Variants in KIFC1 observed in about 807,000 individuals in gnomAD.
The protein encoded by KIFC1 is kinesin-like protein KIFC1.
KIFC1 carries 37 observed loss-of-function variants against 66.6 expected under a neutral mutation model. The ratio of observed to expected loss-of-function variants is 0.56; its 90% CI spans 0.43 to 0.73. The LOEUF (loss-of-function observed/expected upper bound fraction) is 0.73, where lower values mean the gene tolerates loss of function less well. Ranked by LOEUF, KIFC1 falls within the 30% of genes least tolerant of loss-of-function variation. The pLI is 0.00. For missense variants in KIFC1, 721 were observed against 859.8 expected (o/e 0.84, Z 2.02); for synonymous variants, 325 against 343.5 (o/e 0.95, Z 0.60).
In KIFC1 at chr6:33,406,423, A is replaced by G; in HGVS notation, c.1764A>G (p.Glu588=). 6.2e-7 allele frequency: 1 copy of G among 1,606,190 alleles called. No individual in the cohort carries two copies. Among genetic ancestry groups the G allele is most frequent in the Non-Finnish European group, 8.5e-7 (1 of 1,174,568 alleles). The change falls in exon 8 of 11, where the codon GAA becomes GAG. Residue 588 remains glutamate, a synonymous_variant. Coordinates refer to ENST00000428849, the MANE Select transcript of KIFC1 (RefSeq NM_002263.4). This position sits in a 1 kb window ranked among gnomAD's most constrained non-coding sequence, Gnocchi z 4.5. ...CCGGGGAGCGGGAACGCCTTCGGGA[A>G]ACACAGGCCATTAACAGCAGCCTGT... ...LGPGERERLR[E]TQAINSSLST... is the part of the protein sequence containing the mutation.
At position 33,401,724 on chromosome 6, in the gene KIFC1, C is replaced by T. The variant is rs980447913; in HGVS notation, c.251-1590C>T. Among the ~76,000 whole-genome samples, 7 of 146,882 alleles carry T rather than the reference C, an allele frequency of 4.8e-5. No individual in the cohort carries two copies. The highest frequency in any genetic ancestry group is 1.5e-4 in the African/African-American group (6 of 39,496). ...ATTGCCTTTTTTTTTTTTTTTGAGA[C>T]GGAGTCTCGCACTGTCGCCCAGGCT... On this transcript the variant is annotated intron_variant, in intron 3 of 10. Transcript: ENST00000428849. The surrounding 1 kb of genome is among the most constrained non-coding windows in gnomAD (Gnocchi z 4.5).
intron 10 of KIFC1, among the ~76,000 whole-genome samples, chr6:33,407,722 C>CTCA (rs1460036680): frequency 1.2e-4 from 18 of 152,222 alleles, no homozygotes; most frequent in Admixed American, 1.2e-3. Context: ...GACTCCAAAC[C>CTCA]TCATGAGGGT....
rs1775312790 is a variant in KIFC1, at chr6:33,400,441, G to T, written c.250+2054G>T. 6.2e-7 allele frequency: 1 copy of T among 1,603,278 alleles called. No individual in the cohort carries two copies. Among genetic ancestry groups the T allele is most frequent in the Non-Finnish European group, 8.5e-7 (1 of 1,174,766 alleles). On this transcript the variant is annotated intron_variant, in intron 3 of 10. Coordinates refer to ENST00000428849, the MANE Select transcript of KIFC1 (RefSeq NM_002263.4). This position sits in a 1 kb window ranked among gnomAD's most constrained non-coding sequence, Gnocchi z 4.3. Reference sequence around the variant, plus strand: ...GGCAATGTCATCACCAACCTTTTTTGGAGACAGACCCAGGGGGCCGATCTT... The same window carrying T: ...GGCAATGTCATCACCAACCTTTTTTTGAGACAGACCCAGGGGGCCGATCTT...
intron 1 of KIFC1, among the ~76,000 whole-genome samples, chr6:33,397,296 C>CT (rs9280438): frequency 0.37 from 38,092 of 102,542 alleles, 7,322 homozygotes; most frequent in East Asian, 0.63. Context: ...TTCTAATGCC[C>CT]TTTTTTTTTT....
At position 33,403,904 on chromosome 6, in the gene KIFC1, G is replaced by A; in HGVS notation, c.531G>A (p.Gln177=). 1 of 1,614,242 alleles carries A rather than the reference G, an allele frequency of 6.2e-7. No homozygotes were observed. Among genetic ancestry groups the A allele is most frequent in the Non-Finnish European group, 8.5e-7 (1 of 1,180,038 alleles). Residue 177 remains glutamine, a synonymous_variant, in exon 6 of 11, where the codon CAG becomes CAA. Transcript: ENST00000428849. The surrounding 1 kb of genome is among the most constrained non-coding windows in gnomAD (Gnocchi z 4.6). ...ACCAGCTCAGAGATGCCCAGCAGCAGGTCAAGGCCCTGGGGACAGAGCGCA... is the reference window on the plus strand; with the variant it reads ...ACCAGCTCAGAGATGCCCAGCAGCAAGTCAAGGCCCTGGGGACAGAGCGCA... ...LQDQLRDAQQ[Q]VKALGTERTT... is the part of the protein sequence containing the mutation.
At chr6:33,408,349 T>A (rs1401958432) in intron 10 of KIFC1, among the ~76,000 whole-genome samples, 1 of 152,218 alleles carries the variant, frequency 6.6e-6, no homozygotes, top group Non-Finnish European at 1.5e-5. Context: ...TTGCTTCCTC[T>A]TTCCCCCATA....
rs1357204254 is a variant in KIFC1 at position 33,404,270 on chromosome 6, CCT to C, written c.756+148_756+149del. ...AGCAGTATAGGTGCTGCTGAAGATA[CCT>C]CTCTCTTGACCTGTCTGCACCCCAG... On this transcript the variant is annotated intron_variant, in intron 6 of 10. Transcript: ENST00000428849. The surrounding 1 kb of genome is among the most constrained non-coding windows in gnomAD (Gnocchi z 4.0). 5.3e-6 allele frequency: 4 copies of C among 748,106 alleles called. No individual in the cohort carries two copies. The highest frequency in any genetic ancestry group is 3.6e-5 in the African/African-American group (2 of 56,096). 46.3% of individuals were successfully genotyped at this position (748,106 alleles called of 1,614,324 possible).
intron 10 of KIFC1, among the ~76,000 whole-genome samples, chr6:33,409,055 C>A (rs1472362722): frequency 6.6e-6 from 1 of 152,180 alleles, no homozygotes; most frequent in African/African-American, 2.4e-5. Flanking sequence ...GTAGTCTCAG[C>A]TACTTTGGGA....
chr6:33,393,832 C>A (rs1038087113), intron 1 of KIFC1, among the ~76,000 whole-genome samples: 1 of 148,670 alleles, frequency 6.7e-6, no homozygotes, highest in African/African-American at 2.5e-5. Flanking sequence ...CTGCAACCTC[C>A]GCCTCCCGGG....
Position 33,392,013 on chromosome 6 carries a change from G to T in KIFC1, c.12+16G>T. 1 of 1,613,612 alleles carries T rather than the reference G, an allele frequency of 6.2e-7. No individual in the cohort carries two copies. Among genetic ancestry groups the T allele is most frequent in the Non-Finnish European group, 8.5e-7 (1 of 1,179,814 alleles). The stretch of plus-strand genomic sequence containing the variant: ...GGATCCGCAGGTGAGTAGGGGCGGC[G>T]CAGGTGTCCTGCCCTGGGGATGGGG... On this transcript the variant is annotated intron_variant, in intron 1 of 10. Coordinates refer to ENST00000428849, the MANE Select transcript of KIFC1 (RefSeq NM_002263.4).
At chr6:33,409,541 G>T in intron 10 of KIFC1, 105 bp from the exon 11 acceptor site, 1 of 1,148,718 alleles carries the variant, frequency 8.7e-7, no homozygotes, top group South Asian at 1.2e-5. Flanking sequence ...GCCTTATTTC[G>T]GTATTTCTGA....
chr6:33,409,694 C>T lies in KIFC1; in HGVS notation c.*4C>T, dbSNP rs776956807. On this transcript the variant is annotated 3_prime_UTR_variant, in exon 11 of 11. Coordinates refer to ENST00000428849, the MANE Select transcript of KIFC1 (RefSeq NM_002263.4). ...TGCTCAGGCCAACAGGAAGTGAAGA[C>T]GGATCCAGATCTGTGTGTGTGTGTG... 1.3e-5 allele frequency: 19 copies of T among 1,502,590 alleles called. No homozygotes were observed. In the African/African-American group the frequency reaches 1.4e-4, roughly 11 times the overall value. The allele number at this position is 1,502,590 out of a possible 1,614,324, so 93.1% of individuals were successfully genotyped here. A position where few individuals can be genotyped will look rare whatever the true frequency, so the allele number is the denominator to read the frequency against.
chr6:33,396,401 A>ATTTCTTTT (rs1265098911), intron 1 of KIFC1, among the ~76,000 whole-genome samples: 1 of 139,782 alleles, frequency 7.2e-6, no homozygotes, highest in Non-Finnish European at 1.6e-5. Flanking sequence ...TCTCTGTGTT[A>ATTTCTTTT]TTTCTTTTCT....
At chr6:33,392,859 C>T (rs1174256267) in intron 1 of KIFC1, among the ~76,000 whole-genome samples, 2 of 152,168 alleles carry the variant, frequency 1.3e-5, no homozygotes, top group African/African-American at 4.8e-5. Flanking sequence ...TTATTGAGCA[C>T]CTACTACATG....
chr6:33,397,296 C>CTTTTT (rs9280438), intron 1 of KIFC1, among the ~76,000 whole-genome samples: 2 of 102,628 alleles, frequency 1.9e-5, no homozygotes, highest in African/African-American at 3.7e-5. Context: ...TTCTAATGCC[C>CTTTTT]TTTTTTTTTT....
chr6:33,409,790 T>C lies in KIFC1; in HGVS notation c.*100T>C. On this transcript the variant is annotated 3_prime_UTR_variant, in exon 11 of 11. Transcript: ENST00000428849. ...ATGTATCGGGTGAGGGGTGGGAGGG[T>C]TGCTGGAGGGTGCTTTATTGGGTGG... 1 of 1,269,730 alleles carries C rather than the reference T, an allele frequency of 7.9e-7. No homozygotes were observed. Among genetic ancestry groups the C allele is most frequent in the Non-Finnish European group, 1.1e-6 (1 of 897,644 alleles). 78.7% of individuals were successfully genotyped at this position (1,269,730 alleles called of 1,614,324 possible).
In KIFC1 at chr6:33,400,891, A is replaced by T. The variant is rs1450678243; in HGVS notation, c.251-2423A>T. 3.9e-5 allele frequency among the ~76,000 whole-genome samples: 6 copies of T among 152,188 alleles called. No individual in the cohort carries two copies. Among genetic ancestry groups the T allele is most frequent in the South Asian group, 4.1e-4 (2 of 4,838 alleles). On this transcript the variant is annotated intron_variant, in intron 3 of 10. Coordinates refer to ENST00000428849, the MANE Select transcript of KIFC1 (RefSeq NM_002263.4). The surrounding 1 kb of genome is among the most constrained non-coding windows in gnomAD (Gnocchi z 4.3). ...ATGGTCTCGATCTCCTGACCTCGTG[A>T]TCTGCCTGCCTCAGCTTCCCAAAGT...
At chr6:33,409,588 A>G (rs561938069) in intron 10 of KIFC1, 58 bp from the exon 11 acceptor site, 160 of 1,537,356 alleles carry the variant, frequency 1.0e-4, no homozygotes, top group Middle Eastern at 1.7e-4. Flanking sequence ...AGATCTTGGG[A>G]AAAATGTTGT....
In KIFC1 at chr6:33,405,406, C is replaced by T. The variant is rs1775593176; in HGVS notation, c.1311C>T (p.Ala437=). Residue 437 remains alanine, a synonymous_variant, in exon 7 of 11, where the codon GCC becomes GCT. Transcript: ENST00000428849. This position sits in a 1 kb window ranked among gnomAD's most constrained non-coding sequence, Gnocchi z 5.4. The part of the protein sequence containing the change: ...DPQLEGLIPR[A]LRHLFSVAQE... The stretch of plus-strand genomic sequence containing the variant: ...AGTTGGAGGGGCTGATCCCTCGGGC[C>T]CTGCGGCACCTCTTCTCTGTGGCTC... 1 of 1,604,580 alleles carries T rather than the reference C, an allele frequency of 6.2e-7. No homozygotes were observed. The highest frequency in any genetic ancestry group is 2.2e-5 in the East Asian group (1 of 44,702).
Sources: allele counts gnomAD v4.1 joint callset (sites outside exome capture counted in the v4.1 genomes callset), GRCh38; gene constraint gnomAD v4.1.1; non-coding constraint Gnocchi (gnomAD v3.1); transcripts MANE v1.5; gene names NCBI Gene and HGNC (gene_info 2026-07-23, HGNC 2026-07-21).